CNTN4: variants seen among roughly 807,000 people sequenced by gnomAD.
CNTN4 encodes contactin 4.
In CNTN4, 77 loss-of-function variants were observed where a neutral mutation model predicts 122.5. The observed-to-expected ratio is 0.63, with a 90% CI of 0.52 to 0.76. CNTN4 has a LOEUF of 0.76. Ranked by LOEUF, CNTN4 falls within the 30% of genes least tolerant of loss-of-function variation. The pLI is 0.00. For synonymous variants in CNTN4, 512 were observed against 447.0 expected, an observed-to-expected ratio of 1.15 and a Z score of -1.83; for missense variants, 1,256 against 1,259.1, an observed-to-expected ratio of 1.00 and a Z score of 0.04.
intron 4 of CNTN4, among the ~76,000 whole-genome samples, chr3:2,663,319 G>A (rs988183578): frequency 6.6e-6 from 1 of 152,112 alleles, no homozygotes; most frequent in African/African-American, 2.4e-5. Flanking sequence ...GAATAGGGAT[G>A]GATTCAAGAA....
chr3:2,337,647 A>G (rs1016165765), intron 2 of CNTN4, among the ~76,000 whole-genome samples: 1 of 152,138 alleles, frequency 6.6e-6, no homozygotes, highest in Non-Finnish European at 1.5e-5. Flanking sequence ...CCCGGAGCTT[A>G]TGTTCTCAAA....
At chr3:2,528,071 A>G (rs1467643667) in intron 3 of CNTN4, among the ~76,000 whole-genome samples, 2 of 152,040 alleles carry the variant, frequency 1.3e-5, no homozygotes, top group African/African-American at 2.4e-5. Flanking sequence ...ATTCTCAGCT[A>G]TGGGGTGAGG....
chr3:2,554,509 G>C (rs2078641811), intron 3 of CNTN4, among the ~76,000 whole-genome samples: 1 of 152,018 alleles, frequency 6.6e-6, no homozygotes, highest in Non-Finnish European at 1.5e-5. Flanking sequence ...GTTATACCCA[G>C]AGAAGACTTT....
chr3:2,117,063 G>C (rs1160331091), intron 2 of CNTN4, among the ~76,000 whole-genome samples: 1 of 152,122 alleles, frequency 6.6e-6, no homozygotes, highest in African/African-American at 2.4e-5. Flanking sequence ...TCTCTACTTA[G>C]AGATAGTCTC....
intron 13 of CNTN4, among the ~76,000 whole-genome samples, chr3:2,947,205 T>A (rs568811359): frequency 6.6e-6 from 1 of 152,218 alleles, no homozygotes; most frequent in Non-Finnish European, 1.5e-5. Context: ...CGTCTGTTTC[T>A]CTATCAAAGA....
At chr3:2,928,253 G>A (rs1015740979) in intron 13 of CNTN4, among the ~76,000 whole-genome samples, 2 of 152,162 alleles carry the variant, frequency 1.3e-5, no homozygotes, top group Admixed American at 6.6e-5. Context: ...CATGAGCCAC[G>A]GGTTTTTAAC....
Position 2,385,361 on chromosome 3 carries a change from C to G in CNTN4, c.-89+46128C>G, listed in dbSNP as rs753145529. 1.5e-4 allele frequency among the ~76,000 whole-genome samples: 23 copies of G among 152,002 alleles called. No homozygotes were observed. The highest frequency in any genetic ancestry group is 3.2e-4 in the Non-Finnish European group (22 of 68,020). ...TATTACTCTTGTTGCACTGAATAACCTATTAGCATACTTAAGGCAGAGTCT... is the reference window on the plus strand; with the variant it reads ...TATTACTCTTGTTGCACTGAATAACGTATTAGCATACTTAAGGCAGAGTCT... On this transcript the variant is annotated intron_variant, in intron 3 of 24. Transcript: ENST00000418658. The surrounding 1 kb of genome is among the most constrained non-coding windows in gnomAD (Gnocchi z 4.0).
intron 3 of CNTN4, among the ~76,000 whole-genome samples, chr3:2,496,357 A>G (rs2151707524): frequency 6.6e-6 from 1 of 152,274 alleles, no homozygotes. Context: ...TTAGGATTTT[A>G]GGGAGCTTAA....
intron 2 of CNTN4, among the ~76,000 whole-genome samples, chr3:2,337,568 A>G (rs1397641296): frequency 6.6e-6 from 1 of 152,154 alleles, no homozygotes; most frequent in Non-Finnish European, 1.5e-5. Flanking sequence ...GATTATATCA[A>G]TTAAAGAATT....
chr3:2,361,076 T>C (rs1253896303), intron 3 of CNTN4, among the ~76,000 whole-genome samples: 1 of 152,172 alleles, frequency 6.6e-6, no homozygotes. Flanking sequence ...AGGAAGTGAC[T>C]TGTATCATGG....
intron 2 of CNTN4, among the ~76,000 whole-genome samples, chr3:2,175,443 G>C (rs1575004896): frequency 1.3e-5 from 2 of 152,166 alleles, no homozygotes; most frequent in Admixed American, 1.3e-4. Flanking sequence ...CCATTGTTAT[G>C]ACATGCATTT....
intron 3 of CNTN4, among the ~76,000 whole-genome samples, chr3:2,433,662 C>T (rs948406021): frequency 2.6e-5 from 4 of 152,066 alleles, no homozygotes; most frequent in African/African-American, 4.8e-5. Context: ...TTGTTGCCTG[C>T]GCTTTTGGGG....
intron 3 of CNTN4, among the ~76,000 whole-genome samples, chr3:2,341,842 C>G (rs571315874): frequency 2.0e-5 from 3 of 152,216 alleles, no homozygotes; most frequent in African/African-American, 7.2e-5. Flanking sequence ...TAATAACTTT[C>G]TATCCTGGAC....
intron 2 of CNTN4, among the ~76,000 whole-genome samples, chr3:2,126,975 G>A (rs972088261): frequency 2.0e-5 from 3 of 152,182 alleles, no homozygotes; most frequent in African/African-American, 7.2e-5. Flanking sequence ...TGTGACTTTT[G>A]TCTGATGAGG....
intron 2 of CNTN4, among the ~76,000 whole-genome samples, chr3:2,103,044 C>T (rs1238991208): frequency 6.6e-6 from 1 of 151,892 alleles, no homozygotes; most frequent in Non-Finnish European, 1.5e-5. Context: ...CTACTTTGCC[C>T]TTCTAATATT....
intron 2 of CNTN4, among the ~76,000 whole-genome samples, chr3:2,294,949 T>C (rs1213452740): frequency 6.6e-6 from 1 of 152,088 alleles, no homozygotes; most frequent in Non-Finnish European, 1.5e-5. Context: ...GTCCTTGTGA[T>C]AGTTTGCTGA....
chr3:2,672,525 G>C (rs572549327), intron 4 of CNTN4, among the ~76,000 whole-genome samples: 1 of 152,296 alleles, frequency 6.6e-6, no homozygotes, highest in South Asian at 2.1e-4. Context: ...CCCTTTCCTT[G>C]GCTAGGAAAG....
At chr3:2,746,348 G>A (rs2089771277) in intron 6 of CNTN4, among the ~76,000 whole-genome samples, 1 of 151,912 alleles carries the variant, frequency 6.6e-6, no homozygotes, top group South Asian at 2.1e-4. Flanking sequence ...AGCTTAAAAT[G>A]TTTAAAAAAA....
intron 3 of CNTN4, among the ~76,000 whole-genome samples, chr3:2,454,972 A>G (rs1239519179): frequency 6.6e-6 from 1 of 152,198 alleles, no homozygotes; most frequent in Non-Finnish European, 1.5e-5. Flanking sequence ...AGAGTCTTTG[A>G]TTATAAATAA....
Sources: allele counts gnomAD v4.1 joint callset (sites outside exome capture counted in the v4.1 genomes callset), GRCh38; gene constraint gnomAD v4.1.1; non-coding constraint Gnocchi (gnomAD v3.1); transcripts MANE v1.5; gene names NCBI Gene and HGNC (gene_info 2026-07-23, HGNC 2026-07-21).